TRIO: variants seen among roughly 807,000 people sequenced by gnomAD.
TRIO encodes the protein trio Rho guanine nucleotide exchange factor.
A neutral mutation model predicts 351.9 loss-of-function variants in TRIO; 58 were observed. That is an observed-to-expected ratio of 0.16 (90% CI 0.13 to 0.21). TRIO has a LOEUF of 0.21. Ranked by LOEUF, TRIO falls within the 10% of genes least tolerant of loss-of-function variation. The pLI is 1.00. For missense variants in TRIO, 3,201 were observed against 4,027.8 expected (o/e 0.79, Z 5.56); for synonymous variants, 1,758 against 1,595.7 (o/e 1.10, Z -2.42).
chr5:14,433,730 T>C (rs1751365505), intron 34 of TRIO, among the ~76,000 whole-genome samples: 1 of 152,238 alleles, frequency 6.6e-6, no homozygotes, highest in African/African-American at 2.4e-5. Flanking sequence ...AAAACACTCC[T>C]GATTTTTAGA....
At position 14,487,892 on chromosome 5, in the gene TRIO, G is replaced by A. The variant is rs1469803121; in HGVS notation, c.7264G>A (p.Ala2422Thr). 49 of 1,539,094 alleles carry A rather than the reference G, an allele frequency of 3.2e-5. No individual in the cohort carries two copies. Among genetic ancestry groups the A allele is most frequent in the Non-Finnish European group, 4.2e-5 (48 of 1,142,616 alleles). The change falls in exon 48 of 57, where the codon GCC becomes ACC. Residue 2422 changes from alanine (A) to threonine (T), a missense_variant. Around this residue, in one of 19 missense-constraint regions of TRIO, gnomAD observed 1,089 missense variants for 954.9 expected, o/e 1.14. Transcript: ENST00000344204. ...GGTGCTGGAGAGCCCCAGGAAAGGC[G>A]CCGCGAACGCCTCGGGGTCGAGCCC... is the stretch of plus-strand genomic sequence containing the variant. ...MKVLESPRKG[A>T]ANASGSSPDA...
At chr5:14,409,745 G>C (rs891910384) in intron 33 of TRIO, among the ~76,000 whole-genome samples, 3 of 149,840 alleles carry the variant, frequency 2.0e-5, no homozygotes, top group African/African-American at 7.4e-5. Context: ...TGAGGCAGGA[G>C]AATGGCATGA....
chr5:14,481,707 G>T, intron 45 of TRIO, 89 bp downstream of exon 45: 1 of 1,304,070 alleles, frequency 7.7e-7, no homozygotes, highest in South Asian at 1.3e-5. Flanking sequence ...AGAGAAAGCT[G>T]ATCCTTTTCA....
chr5:14,224,120 A>G (rs32395), intron 1 of TRIO, among the ~76,000 whole-genome samples: 131,054 of 151,936 alleles, frequency 0.86, 56,664 homozygotes, highest in East Asian at 0.99. Context: ...TTAATGTTAC[A>G]GTGTTTATCC....
intron 1 of TRIO, among the ~76,000 whole-genome samples, chr5:14,197,414 G>A (rs1012635543): frequency 6.6e-6 from 1 of 152,212 alleles, no homozygotes; most frequent in Non-Finnish European, 1.5e-5. Flanking sequence ...AGGCTATCTT[G>A]TGGAGATGGG....
At chr5:14,476,795 A>G in intron 40 of TRIO, 99 bp from the exon 41 acceptor site, 1 of 1,115,264 alleles carries the variant, frequency 9.0e-7, no homozygotes, top group Admixed American at 2.7e-5. Context: ...CTCTCTCAAA[A>G]AAAAAAAAGA....
At chr5:14,431,487 T>A (rs1751136255) in intron 34 of TRIO, among the ~76,000 whole-genome samples, 1 of 152,224 alleles carries the variant, frequency 6.6e-6, no homozygotes, top group South Asian at 2.1e-4. Context: ...TCTTTATTAT[T>A]TTTGTCAAGA....
At chr5:14,267,941 A>G (rs1016765984) in intron 1 of TRIO, among the ~76,000 whole-genome samples, 2 of 152,214 alleles carry the variant, frequency 1.3e-5, no homozygotes, top group Non-Finnish European at 2.9e-5. Flanking sequence ...TTCAGTGACA[A>G]TCTACAAAAA....
At chr5:14,328,100 T>C (rs1043926103) in intron 9 of TRIO, among the ~76,000 whole-genome samples, 1 of 152,236 alleles carries the variant, frequency 6.6e-6, no homozygotes, top group Non-Finnish European at 1.5e-5. Context: ...ACTAATGTGC[T>C]CAATACACTA....
At chr5:14,396,170 G>C (rs765016354) in intron 28 of TRIO, among the ~76,000 whole-genome samples, 3 of 151,864 alleles carry the variant, frequency 2.0e-5, no homozygotes, top group African/African-American at 7.3e-5. Flanking sequence ...ACACACATAG[G>C]GCTCCCCAGA....
In TRIO at chr5:14,482,893, A is replaced by G. The variant is rs2126613409; in HGVS notation, c.6657+120A>G. ...TCGTTTAAGTATTTGAGAATTTTCT[A>G]GTATATTTCAGAGCCTTGAATTCAC... On this transcript the variant is annotated intron_variant, in intron 46 of 56. Coordinates refer to ENST00000344204, the MANE Select transcript of TRIO (RefSeq NM_007118.4). 3.0e-6 allele frequency: 3 copies of G among 1,016,904 alleles called. No individual in the cohort carries two copies. The South Asian group carries it at 6.9e-5, about 23-fold the overall frequency. The allele number at this position is 1,016,904 out of a possible 1,614,324, so 63.0% of individuals were successfully genotyped here. A position where few individuals can be genotyped will look rare whatever the true frequency, so the allele number is the denominator to read the frequency against.
chr5:14,395,056 T>G (rs1339400545), intron 28 of TRIO, among the ~76,000 whole-genome samples: 2 of 152,212 alleles, frequency 1.3e-5, no homozygotes, highest in Admixed American at 1.3e-4. Flanking sequence ...CGGGAAGTTA[T>G]TATGTAATTT....
chr5:14,306,496 A>C (rs1738380549), intron 8 of TRIO, among the ~76,000 whole-genome samples: 1 of 152,236 alleles, frequency 6.6e-6, no homozygotes, highest in Non-Finnish European at 1.5e-5. Flanking sequence ...CCTATAACAC[A>C]GAAAGCAAAT....
At chr5:14,481,650 C>G in intron 45 of TRIO, 32 bp downstream of exon 45, 1 of 1,608,072 alleles carries the variant, frequency 6.2e-7, no homozygotes. Flanking sequence ...AAGAGAGCTC[C>G]TCTGCCTTCA....
At chr5:14,211,889 A>G (rs970487067) in intron 1 of TRIO, among the ~76,000 whole-genome samples, 6 of 151,798 alleles carry the variant, frequency 4.0e-5, no homozygotes, top group African/African-American at 1.2e-4. Context: ...AAGTAGAAGG[A>G]TCACTTGAGC....
At chr5:14,404,023 G>T (rs1351109379) in intron 31 of TRIO, among the ~76,000 whole-genome samples, 1 of 145,604 alleles carries the variant, frequency 6.9e-6, no homozygotes, top group Non-Finnish European at 1.5e-5. Flanking sequence ...TGGTGAGGGT[G>T]TAGGTTGTGG....
intron 1 of TRIO, among the ~76,000 whole-genome samples, chr5:14,263,189 T>C (rs138395057): frequency 4.5e-4 from 69 of 152,306 alleles, no homozygotes; most frequent in Non-Finnish European, 7.9e-4. Flanking sequence ...TGACAACTCA[T>C]ATGTGTTGCT....
At chr5:14,270,328 A>G (rs1363484216) in intron 1 of TRIO, among the ~76,000 whole-genome samples, 1 of 152,160 alleles carries the variant, frequency 6.6e-6, no homozygotes, top group Non-Finnish European at 1.5e-5. Flanking sequence ...CCAGCTATTT[A>G]TAATCCCCTC....
intron 2 of TRIO, among the ~76,000 whole-genome samples, chr5:14,280,074 A>G (rs900091484): frequency 5.9e-5 from 9 of 152,214 alleles, no homozygotes; most frequent in Middle Eastern, 3.2e-3. Context: ...GTTTTTCCCA[A>G]AACATTGGAA....
Sources: allele counts gnomAD v4.1 joint callset (sites outside exome capture counted in the v4.1 genomes callset), GRCh38; gene constraint gnomAD v4.1.1; regional missense constraint gnomAD v4.1.1; transcripts MANE v1.5; gene names NCBI Gene and HGNC (gene_info 2026-07-23, HGNC 2026-07-21).